The following TMEM171 variants were observed in gnomAD, a reference collection of about 807,000 sequenced individuals.
The protein encoded by TMEM171 is proline-rich protein PRP2.
TMEM171 carries 16 observed loss-of-function variants against 19.1 expected under a neutral mutation model. The observed-to-expected ratio is 0.84, with a 90% CI of 0.57 to 1.27. The LOEUF (loss-of-function observed/expected upper bound fraction) is 1.27. TMEM171 is among the 50% of genes most tolerant of loss of function. The pLI, the probability that TMEM171 is intolerant of heterozygous loss-of-function variation, is 0.00. For synonymous variants in TMEM171, 153 were observed against 163.4 expected, an observed-to-expected ratio of 0.94 and a Z score of 0.48; for missense variants, 429 against 412.7, an observed-to-expected ratio of 1.04 and a Z score of -0.34.
rs1282146354 is a variant in TMEM171 at position 73,123,343 on chromosome 5, C to T, written c.-31C>T. On this transcript the variant is annotated 5_prime_UTR_variant, in exon 2 of 4. Transcript: ENST00000454765. ...CTTGGAGGGAAGAAAACACATCCCA[C>T]CCTGCCTCCGGGAAGGGGCCTCTCC... The T allele has an allele frequency of 2.5e-6, 4 of 1,578,140 alleles. No individual in the cohort carries two copies. Among genetic ancestry groups the T allele is most frequent in the Non-Finnish European group, 3.5e-6 (4 of 1,158,900 alleles).
At chr5:73,120,767 G>C (rs1458839390) in intron 1 of TMEM171, 71 bp downstream of exon 1, 1 of 983,136 alleles carries the variant, frequency 1.0e-6, no homozygotes, top group Non-Finnish European at 1.2e-6. Context: ...GGCCAGGCTG[G>C]GCGCGGGGAG....
At chr5:73,124,124 T>TCA in intron 2 of TMEM171, 111 bp downstream of exon 2, 2 of 976,818 alleles carry the variant, frequency 2.0e-6, no homozygotes, top group Non-Finnish European at 3.0e-6. Context: ...CTTCCATCTC[T>TCA]CACACATGTG....
Position 73,123,593 on chromosome 5 carries a change from G to A in TMEM171, c.220G>A (p.Val74Met). 1 of 1,614,234 alleles carries A rather than the reference G, an allele frequency of 6.2e-7. No individual in the cohort carries two copies. Among genetic ancestry groups the A allele is most frequent in the East Asian group, 2.2e-5 (1 of 44,890 alleles). ...ATGTGCCGTGGTTGGGCTTGGGGCT[G>A]TGATCCTGGCCCGCTCCCGGGCGCA... ...PACAVVGLGA[V>M]ILARSRAQLQ... Residue 74 changes from valine (V) to methionine (M), a missense_variant, in exon 2 of 4, where the codon GTG becomes ATG. Val to Met is a conservative substitution (Grantham distance 21, BLOSUM62 1). Transcript: ENST00000454765.
Position 73,123,530 on chromosome 5 carries a change from C to A in TMEM171, c.157C>A (p.Pro53Thr). The A allele has an allele frequency of 6.2e-7, 1 of 1,614,206 alleles. No homozygotes were observed. The highest frequency in any genetic ancestry group is 8.5e-7 in the Non-Finnish European group (1 of 1,180,046). ...CCAGGCATGCCAATATAAGCCCCTC[C>A]CAGACTGCCCCATGGTGCTCAAGGT... ...GFQACQYKPL[P>T]DCPMVLKVAG... is the part of the protein sequence containing the mutation. Residue 53 changes from proline (P) to threonine (T), a missense_variant, in exon 2 of 4, where the codon CCA becomes ACA. Coordinates refer to ENST00000454765, the MANE Select transcript of TMEM171 (RefSeq NM_173490.8).
At chr5:73,127,374 A>T (rs1357652746) in intron 2 of TMEM171, among the ~76,000 whole-genome samples, 1 of 61,480 alleles carries the variant, frequency 1.6e-5, no homozygotes, top group African/African-American at 9.6e-5. Context: ...TGTGGTAAAA[A>T]AAAAAAAAAA....
chr5:73,120,939 G>A (rs1233252397), intron 1 of TMEM171, among the ~76,000 whole-genome samples: 1 of 152,234 alleles, frequency 6.6e-6, no homozygotes, highest in Non-Finnish European at 1.5e-5. Context: ...AGCTTTGGAC[G>A]TGGAGAGGTG....
Position 73,123,816 on chromosome 5 carries a change from C to T in TMEM171, c.443C>T (p.Thr148Ile). 1 of 1,612,504 alleles carries T rather than the reference C, an allele frequency of 6.2e-7. No homozygotes were observed. Among genetic ancestry groups the T allele is most frequent in the Non-Finnish European group, 8.5e-7 (1 of 1,179,036 alleles). Residue 148 changes from threonine to isoleucine, a missense_variant, in exon 2 of 4, where the codon ACA becomes ATA. By Grantham distance (89) the Thr-to-Ile change is moderately conservative. Transcript: ENST00000454765. ...SNWAQEPLNETDTGDSEPRMC... is the reference protein window; with the variant it reads ...SNWAQEPLNEIDTGDSEPRMC... ...TGGGCGCAGGAACCGCTAAACGAGACAGACACTGGCGACTCAGAGCCCCGG... is the reference window on the plus strand; with the variant it reads ...TGGGCGCAGGAACCGCTAAACGAGATAGACACTGGCGACTCAGAGCCCCGG...
At chr5:73,126,576 T>C (rs1561513005) in intron 2 of TMEM171, among the ~76,000 whole-genome samples, 1 of 152,228 alleles carries the variant, frequency 6.6e-6, no homozygotes, top group Admixed American at 6.5e-5. Context: ...CTCCGCACTG[T>C]GTTCACTGCC....
rs1345309503 is a variant in TMEM171, at chr5:73,123,334, C to T, written c.-40C>T. 3.2e-6 allele frequency: 5 copies of T among 1,562,732 alleles called. No homozygotes were observed. The highest frequency in any genetic ancestry group is 4.3e-6 in the Non-Finnish European group (5 of 1,152,132). On this transcript the variant is annotated 5_prime_UTR_variant, in exon 2 of 4. Coordinates refer to ENST00000454765, the MANE Select transcript of TMEM171 (RefSeq NM_173490.8). ...TGCTGAAATCTTGGAGGGAAGAAAA[C>T]ACATCCCACCCTGCCTCCGGGAAGG... is the stretch of plus-strand genomic sequence containing the variant.
At chr5:73,126,581 A>G (rs1297496240) in intron 2 of TMEM171, among the ~76,000 whole-genome samples, 2 of 152,172 alleles carry the variant, frequency 1.3e-5, no homozygotes, top group Non-Finnish European at 2.9e-5. Flanking sequence ...CACTGTGTTC[A>G]CTGCCAGATG....
intron 2 of TMEM171, among the ~76,000 whole-genome samples, chr5:73,125,576 A>G (rs1474956204): frequency 6.6e-6 from 1 of 152,228 alleles, no homozygotes; most frequent in African/African-American, 2.4e-5. Context: ...TTATTACATG[A>G]AAAAAGGGGC....
chr5:73,128,382 T>C lies in TMEM171; in HGVS notation c.641-8T>C. 2 of 1,612,546 alleles carry C rather than the reference T, an allele frequency of 1.2e-6. No individual in the cohort carries two copies. The highest frequency in any genetic ancestry group is 1.1e-5 in the South Asian group (1 of 90,862). On this transcript the variant is annotated splice_polypyrimidine_tract_variant and splice_region_variant and intron_variant, in intron 2 of 3. Coordinates refer to ENST00000454765, the MANE Select transcript of TMEM171 (RefSeq NM_173490.8). ...ACCTGTTGTCAACTAAATATTGTTTTGCCTTAGGTGACTCGGTAATAATAT... is the reference window on the plus strand; with the variant it reads ...ACCTGTTGTCAACTAAATATTGTTTCGCCTTAGGTGACTCGGTAATAATAT...
intron 2 of TMEM171, among the ~76,000 whole-genome samples, 186 bp downstream of exon 2, chr5:73,124,199 A>G (rs1010709404): frequency 6.6e-6 from 1 of 152,224 alleles, no homozygotes; most frequent in Admixed American, 6.5e-5. Context: ...GAAGCCCCGT[A>G]GGAACCTTGT....
chr5:73,127,384 A>ATATATATATATATATATATATAT (rs1554078607), intron 2 of TMEM171, among the ~76,000 whole-genome samples: 16 of 81,662 alleles, frequency 2.0e-4, no homozygotes, highest in African/African-American at 9.9e-4. Context: ...AAAAAAAAAA[A>ATATATATATATATATATATATAT]ATATATATAT....
chr5:73,128,456 T>A lies in TMEM171; in HGVS notation c.707T>A (p.Val236Asp). Residue 236 changes from valine to aspartate, a missense_variant, in exon 3 of 4, where the codon GTC becomes GAC. Coordinates refer to ENST00000454765, the MANE Select transcript of TMEM171 (RefSeq NM_173490.8). ...TTTCCTGAATCTTCAGCTTCTGCGG[T>A]CGCTGAGAGTCCTGGAACTAACAGT... The part of the protein sequence containing the change: ...PYFPESSASA[V>D]AESPGTNSLL... The A allele has an allele frequency of 6.2e-7, 1 of 1,614,166 alleles. No individual in the cohort carries two copies. The highest frequency in any genetic ancestry group is 8.5e-7 in the Non-Finnish European group (1 of 1,180,034).
Position 73,127,383 on chromosome 5 carries a change from AAAT to A in TMEM171, c.641-1005_641-1003del, listed in dbSNP as rs1276661559. Among the ~76,000 whole-genome samples the A allele has an allele frequency of 1.6e-3, 165 of 100,026 alleles. 1 individual carries two copies. In the South Asian group the frequency reaches 0.019, roughly 12 times the overall value. The allele number at this position is 100,026 out of a possible 152,430, so 65.6% of individuals were successfully genotyped here. The stretch of plus-strand genomic sequence containing the variant: ...AAAATTTGTGGTAAAAAAAAAAAAA[AAAT>A]ATATATATATATATATATATAAAGC... On this transcript the variant is annotated intron_variant, in intron 2 of 3. Coordinates refer to ENST00000454765, the MANE Select transcript of TMEM171 (RefSeq NM_173490.8).
At chr5:73,123,176 C>A in intron 1 of TMEM171, 130 bp from the exon 2 acceptor site, 1 of 675,508 alleles carries the variant, frequency 1.5e-6, no homozygotes, top group Non-Finnish European at 2.4e-6. Context: ...TGTTCTACAG[C>A]TTATCAGTTG....
intron 3 of TMEM171, among the ~76,000 whole-genome samples, chr5:73,128,778 A>G (rs2112925900): frequency 6.6e-6 from 1 of 152,260 alleles, no homozygotes; most frequent in African/African-American, 2.4e-5. Flanking sequence ...TGTGCTCCTA[A>G]CAGGGGTGAT....
intron 3 of TMEM171, among the ~76,000 whole-genome samples, chr5:73,129,614 CAGAG>C (rs1411389024): frequency 6.6e-6 from 1 of 152,132 alleles, no homozygotes; most frequent in African/African-American, 2.4e-5. Context: ...GCCTGGGCAA[CAGAG>C]AGAGACTCTA....
Sources: allele counts gnomAD v4.1 joint callset (sites outside exome capture counted in the v4.1 genomes callset), GRCh38; gene constraint gnomAD v4.1.1; transcripts MANE v1.5; gene names NCBI Gene and HGNC (gene_info 2026-07-23, HGNC 2026-07-21).